Variants in BCL3 observed in about 807,000 individuals in gnomAD.
The protein encoded by BCL3 is B-cell lymphoma 3 protein.
In BCL3, 15 loss-of-function variants were observed where a neutral mutation model predicts 35.7. The ratio of observed to expected loss-of-function variants is 0.42; its 90% CI spans 0.28 to 0.65. The LOEUF is 0.65. BCL3 is among the 30% of genes least tolerant of loss of function. The pLI, the probability that BCL3 is intolerant of heterozygous loss-of-function variation, is 0.22. For missense variants in BCL3, 565 were observed against 641.7 expected, an observed-to-expected ratio of 0.88 and a Z score of 1.29; for synonymous variants, 311 against 284.3, an observed-to-expected ratio of 1.09 and a Z score of -0.95.
chr19:44,748,088 G>C, upstream of BCL3: 1 of 1,337,776 alleles, frequency 7.5e-7, no homozygotes, highest in Non-Finnish European at 9.8e-7. Context: ...AGGAGGAAAC[G>C]GCTCAGAGAG....
Position 44,757,431 on chromosome 19 carries a change from G to T in BCL3, c.813+16G>T, listed in dbSNP as rs1203922611. On this transcript the variant is annotated intron_variant, in intron 5 of 8. Coordinates refer to ENST00000164227, the MANE Select transcript of BCL3 (RefSeq NM_005178.5). This position sits in a 1 kb window ranked among gnomAD's most constrained non-coding sequence, Gnocchi z 8.4. ...CGACGCAGTGGTGAGCGTGCACTAGGAGCTGGGAGGGAGCGGGGCCTTAGC... is the reference window on the plus strand; with the variant it reads ...CGACGCAGTGGTGAGCGTGCACTAGTAGCTGGGAGGGAGCGGGGCCTTAGC... 1.9e-6 allele frequency: 3 copies of T among 1,576,742 alleles called. No individual in the cohort carries two copies. Among genetic ancestry groups the T allele is most frequent in the Non-Finnish European group, 2.6e-6 (3 of 1,160,908 alleles).
Position 44,758,738 on chromosome 19 carries a change from G to C in BCL3, c.1074G>C (p.Leu358=). 6.2e-7 allele frequency: 1 copy of C among 1,602,244 alleles called. No individual in the cohort carries two copies. Among genetic ancestry groups the C allele is most frequent in the South Asian group, 1.1e-5 (1 of 89,154 alleles). ...TCTTCCTACAGGTCATCGACATCCT[G>C]AGGGGGAAGGCCACCCGGCCTGCTT... ...VARSRRVIDI[L]RGKATRPAST... is the part of the protein sequence containing the mutation. Residue 358 remains leucine, a synonymous_variant, in exon 8 of 9, where the codon CTG becomes CTC. Coordinates refer to ENST00000164227, the MANE Select transcript of BCL3 (RefSeq NM_005178.5).
chr19:44,759,437 C>A lies in BCL3; in HGVS notation c.1187C>A (p.Ser396Tyr). 1 of 1,608,940 alleles carries A rather than the reference C, an allele frequency of 6.2e-7. No homozygotes were observed. Residue 396 changes from serine to tyrosine, a missense_variant, in exon 9 of 9, where the codon TCC (serine) becomes TAC (tyrosine). Physicochemically the swap from Ser to Tyr is moderately radical, Grantham distance 144. Around this residue, in one of 5 missense-constraint regions of BCL3, gnomAD observed 151 missense variants for 138.1 expected, o/e 1.09. Transcript: ENST00000164227. ...SSRLSSNGLL[S>Y]ASPSSSPSQS... ...TCTCTTCCTTCCTCAGGTCTTCTCT[C>A]CGCATCACCATCCTCCTCACCCTCC...
chr19:44,748,876 C>T lies in BCL3; in HGVS notation c.86C>T (p.Ala29Val). ...RPKAAGLPGA[A>V]LPLRKRPLRA... ...AAGGCCGCCGGACTCCCGGGCGCCG[C>T]GCTGCCGCTCCGCAAGCGCCCGCTG... Residue 29 changes from alanine (A) to valine (V), a missense_variant, in exon 1 of 9, where the codon GCG (alanine) becomes GTG (valine). Ala to Val is a moderately conservative substitution (Grantham distance 64). Around this residue, in one of 5 missense-constraint regions of BCL3, gnomAD observed 267 missense variants for 281.5 expected, o/e 0.95. Coordinates refer to ENST00000164227, the MANE Select transcript of BCL3 (RefSeq NM_005178.5). 9.0e-7 allele frequency: 1 copy of T among 1,110,886 alleles called. No individual in the cohort carries two copies. Among genetic ancestry groups the T allele is most frequent in the Non-Finnish European group, 1.1e-6 (1 of 913,238 alleles). 68.8% of individuals were successfully genotyped at this position (1,110,886 alleles called of 1,614,324 possible).
intron 2 of BCL3, among the ~76,000 whole-genome samples, chr19:44,752,765 C>T (rs112852349): frequency 6.6e-6 from 1 of 152,286 alleles, no homozygotes; most frequent in South Asian, 2.1e-4. Context: ...GGAATCTCAG[C>T]GTGGCCACGT....
Position 44,759,715 on chromosome 19 carries a change from C to CG in BCL3, c.*100_*101insG, listed in dbSNP as rs1278724751. On this transcript the variant is annotated 3_prime_UTR_variant, in exon 9 of 9. Coordinates refer to ENST00000164227, the MANE Select transcript of BCL3 (RefSeq NM_005178.5). ...TGTGAAGATCTCACTCTGCCCCCCC[C>CG]CCCCATCTTCGGGACCAGGATTTGC... 1.5e-6 allele frequency: 1 copy of CG among 651,948 alleles called. No homozygotes were observed. Among genetic ancestry groups the CG allele is most frequent in the Non-Finnish European group, 2.5e-6 (1 of 395,776 alleles). The allele number at this position is 651,948 out of a possible 1,614,324, so 40.4% of individuals were successfully genotyped here.
intron 2 of BCL3, 56 bp from the exon 3 acceptor site, chr19:44,756,176 G>C: frequency 1.6e-6 from 2 of 1,218,156 alleles, no homozygotes; most frequent in Non-Finnish European, 2.2e-6. Flanking sequence ...AACAGCATGA[G>C]GGTGAGAGGT....
intron 1 of BCL3, among the ~76,000 whole-genome samples, chr19:44,750,039 C>A (rs1967147173): frequency 6.6e-6 from 1 of 152,112 alleles, no homozygotes; most frequent in Non-Finnish European, 1.5e-5. Context: ...CAGCTGTGGC[C>A]ACGTCACCAT....
chr19:44,758,633 A>G (rs1172122736), intron 7 of BCL3, 91 bp from the exon 8 acceptor site: 2 of 1,297,878 alleles, frequency 1.5e-6, no homozygotes, highest in Non-Finnish European at 2.2e-6. Context: ...AGAAGTGGAG[A>G]GGCCACCACC....
intron 6 of BCL3, 33 bp from the exon 7 acceptor site, chr19:44,758,213 G>T: frequency 6.9e-7 from 1 of 1,444,464 alleles, no homozygotes; most frequent in Non-Finnish European, 9.0e-7. Context: ...GGTGGCCCGC[G>T]CGCCCTCCTG....
At position 44,758,651 on chromosome 19, in the gene BCL3, A is replaced by G. The variant is rs148275512; in HGVS notation, c.1060-73A>G. On this transcript the variant is annotated intron_variant, in intron 7 of 8. Transcript: ENST00000164227. ...AGTGGAGAGGCCACCACCTGGATCC[A>G]GTGAGCTAGGAGGGATGGGAGAGAG... The G allele has an allele frequency of 6.0e-4, 825 of 1,386,256 alleles. 6 individuals carry two copies. The African/African-American group carries it at 0.01, about 18-fold the overall frequency. 85.9% of individuals were successfully genotyped at this position (1,386,256 alleles called of 1,614,324 possible).
At chr19:44,751,171 T>C in intron 1 of BCL3, 56 bp from the exon 2 acceptor site, 1 of 1,556,930 alleles carries the variant, frequency 6.4e-7, no homozygotes, top group East Asian at 2.4e-5. Context: ...GGGGGCGGGT[T>C]GAGGGTCTGT....
At chr19:44,747,863 C>T, upstream of BCL3, 3 of 1,147,258 alleles carry the variant, frequency 2.6e-6, no homozygotes, top group Non-Finnish European at 3.3e-6. Context: ...CACCCCGGTG[C>T]CCCGCGGGCC....
intron 1 of BCL3, 143 bp from the exon 2 acceptor site, chr19:44,751,084 T>C: frequency 9.3e-7 from 1 of 1,072,998 alleles, no homozygotes; most frequent in Non-Finnish European, 1.3e-6. Flanking sequence ...TTTTAGGCCC[T>C]GAGGACCCTG....
chr19:44,754,588 A>G (rs1171353393), intron 2 of BCL3, among the ~76,000 whole-genome samples: 1 of 149,668 alleles, frequency 6.7e-6, no homozygotes, highest in Non-Finnish European at 1.5e-5. Context: ...CCGCGCGTTT[A>G]TGGGAACTCA....
In BCL3 at chr19:44,757,711, G is replaced by A; in HGVS notation, c.879G>A (p.Gln293=). Residue 293 remains glutamine, a synonymous_variant, in exon 6 of 9, where the codon CAG becomes CAA. Transcript: ENST00000164227. This position sits in a 1 kb window ranked among gnomAD's most constrained non-coding sequence, Gnocchi z 8.4. ...AAAACAACAGCCTTAGCATGGTGCA[G>A]CTGCTGCTGCAGGTGCGTACAGCCC... ...AVENNSLSMV[Q]LLLQHGANVN... 1 of 1,613,770 alleles carries A rather than the reference G, an allele frequency of 6.2e-7. No individual in the cohort carries two copies. The highest frequency in any genetic ancestry group is 1.3e-5 in the African/African-American group (1 of 75,018).
chr19:44,758,773 A>G lies in BCL3; in HGVS notation c.1109A>G (p.Gln370Arg), dbSNP rs374166731. 6.2e-7 allele frequency: 1 copy of G among 1,608,584 alleles called. No homozygotes were observed. The highest frequency in any genetic ancestry group is 8.5e-7 in the Non-Finnish European group (1 of 1,178,256). ...GCCACCCGGCCTGCTTCCACCTCCCAGCCAGACCCCTCCCCTGACCGGAGC... is the reference window on the plus strand; with the variant it reads ...GCCACCCGGCCTGCTTCCACCTCCCGGCCAGACCCCTCCCCTGACCGGAGC... ...GKATRPASTS[Q>R]PDPSPDRSAN... The change falls in exon 8 of 9, where the codon CAG becomes CGG. Residue 370 changes from glutamine (Q) to arginine (R), a missense_variant. Transcript: ENST00000164227.
chr19:44,757,060 T>C lies in BCL3; in HGVS notation c.563T>C (p.Val188Ala), dbSNP rs1967303605. 6.2e-7 allele frequency: 1 copy of C among 1,611,088 alleles called. No individual in the cohort carries two copies. Among genetic ancestry groups the C allele is most frequent in the African/African-American group, 1.3e-5 (1 of 74,816 alleles). ...GTGATCACCACATTACCGTCTGTGG[T>C]CCGGCTCCTGGTGACAGCTGGTGCC... Reference protein sequence around the residue: ...LAVITTLPSVVRLLVTAGASP... With the variant: ...LAVITTLPSVARLLVTAGASP... Residue 188 changes from valine (V) to alanine (A), a missense_variant, in exon 4 of 9, where the codon GTC becomes GCC. By Grantham distance (64) the Val-to-Ala change is moderately conservative (BLOSUM62 0). Coordinates refer to ENST00000164227, the MANE Select transcript of BCL3 (RefSeq NM_005178.5). This position sits in a 1 kb window ranked among gnomAD's most constrained non-coding sequence, Gnocchi z 8.4.
intron 6 of BCL3, 61 bp from the exon 7 acceptor site, chr19:44,758,185 C>T: frequency 7.1e-7 from 1 of 1,410,048 alleles, no homozygotes; most frequent in South Asian, 1.6e-5. Context: ...GGCCTCCAGC[C>T]TCTGTTCCCT....
Sources: gnomAD v4.1 joint callset for allele counts (sites outside exome capture counted in the v4.1 genomes callset) on GRCh38, gnomAD v4.1.1 for gene constraint, gnomAD v4.1.1 regional missense constraint, Gnocchi (gnomAD v3.1) non-coding constraint, MANE v1.5 for transcripts, NCBI Gene and HGNC (gene_info 2026-07-23, HGNC 2026-07-21) for gene names.